FCHO2: variants seen among roughly 807,000 people sequenced by gnomAD.
The protein encoded by FCHO2 is FCH and mu domain containing endocytic adaptor 2, also known as F-BAR domain only protein 2.
FCHO2 carries 43 observed loss-of-function variants against 114.1 expected under a neutral mutation model. That is an observed-to-expected ratio of 0.38 (90% CI 0.30 to 0.49). The LOEUF is 0.49. Ranked by LOEUF, FCHO2 falls within the 20% of genes least tolerant of loss-of-function variation. The probability of loss-of-function intolerance (pLI) is 0.97; values close to 1 mark genes in which losing one functional copy is unlikely to be tolerated. For synonymous variants in FCHO2, 293 were observed against 315.2 expected (o/e 0.93, Z 0.75); for missense variants, 807 against 950.4 (o/e 0.85, Z 1.98).
intron 3 of FCHO2, among the ~76,000 whole-genome samples, chr5:72,990,187 A>T (rs915276095): frequency 6.6e-6 from 1 of 152,062 alleles, no homozygotes; most frequent in African/African-American, 2.4e-5. Flanking sequence ...CTTCTGATAC[A>T]AGTATAAATA....
intron 2 of FCHO2, among the ~76,000 whole-genome samples, chr5:72,986,454 C>T (rs1014437605): frequency 3.9e-5 from 6 of 152,140 alleles, no homozygotes; most frequent in African/African-American, 1.4e-4. Context: ...TGATCAGCTA[C>T]CTCTTCTGGA....
At chr5:73,032,960 T>G (rs1250733876) in intron 8 of FCHO2, among the ~76,000 whole-genome samples, 1 of 152,204 alleles carries the variant, frequency 6.6e-6, no homozygotes, top group African/African-American at 2.4e-5. Flanking sequence ...TTCATAATTT[T>G]TATACTAAGT....
Position 73,082,778 on chromosome 5 carries a change from A to G in FCHO2, c.2198A>G (p.Lys733Arg). 2 of 1,607,052 alleles carry G rather than the reference A, an allele frequency of 1.2e-6. No individual in the cohort carries two copies. Among genetic ancestry groups the G allele is most frequent in the Non-Finnish European group, 1.7e-6 (2 of 1,176,436 alleles). The change falls in exon 24 of 26, where the codon AAA becomes AGA. Residue 733 changes from lysine (K) to arginine (R), a missense_variant. Transcript: ENST00000430046. ...TATTGCAGGAATGCAGAACAAATGA[A>G]AGCCTTTTGGAAATTGTCTAGTATT... The part of the protein sequence containing the change: ...PPAIWNAEQM[K>R]AFWKLSSISE...
intron 11 of FCHO2, among the ~76,000 whole-genome samples, chr5:73,046,077 T>C (rs1305445370): frequency 6.6e-6 from 1 of 152,212 alleles, no homozygotes; most frequent in African/African-American, 2.4e-5. Flanking sequence ...TGTTTTGTTT[T>C]TAATAGAGCT....
intron 6 of FCHO2, among the ~76,000 whole-genome samples, chr5:73,014,278 C>CTTTTTTTTTTTTTTCTTTTTTT (rs200985404): frequency 6.7e-6 from 1 of 148,730 alleles, no homozygotes; most frequent in Non-Finnish European, 1.5e-5. Flanking sequence ...TTTCTTTTTT[C>CTTTTTTTTTTTTTTCTTTTTTT]TTTTTTTTCT....
At chr5:73,040,215 T>C (rs550140878) in intron 10 of FCHO2, among the ~76,000 whole-genome samples, 2 of 152,324 alleles carry the variant, frequency 1.3e-5, no homozygotes, top group East Asian at 1.9e-4. Context: ...CAGAAGTGTT[T>C]TGGATTTCAG....
chr5:72,997,824 A>G (rs1754207293), intron 5 of FCHO2, among the ~76,000 whole-genome samples: 1 of 152,150 alleles, frequency 6.6e-6, no homozygotes, highest in Non-Finnish European at 1.5e-5. Flanking sequence ...TGGGCCTGGG[A>G]CCCTGAAGCA....
chr5:72,972,030 T>C, intron 2 of FCHO2, among the ~76,000 whole-genome samples: 1 of 151,956 alleles, frequency 6.6e-6, no homozygotes, highest in South Asian at 2.1e-4. Flanking sequence ...GCATTATTTC[T>C]GAGGGCTCTG....
chr5:73,079,254 C>T (rs566889774), intron 22 of FCHO2, among the ~76,000 whole-genome samples: 11 of 152,162 alleles, frequency 7.2e-5, no homozygotes, highest in East Asian at 1.9e-4. Flanking sequence ...CACAAACCAC[C>T]GCTCCTGGCA....
chr5:73,039,891 G>A (rs1351130831), intron 10 of FCHO2, among the ~76,000 whole-genome samples: 1 of 147,356 alleles, frequency 6.8e-6, no homozygotes, highest in Non-Finnish European at 1.5e-5. Context: ...CGATGCCACT[G>A]AACTCCATCT....
chr5:73,050,770 G>C (rs1757305550), intron 11 of FCHO2, among the ~76,000 whole-genome samples: 1 of 152,034 alleles, frequency 6.6e-6, no homozygotes, highest in African/African-American at 2.4e-5. Flanking sequence ...TCAGATCCAG[G>C]TTCAAGTTTT....
chr5:73,004,179 G>A (rs1351271163), intron 5 of FCHO2, among the ~76,000 whole-genome samples: 2 of 151,096 alleles, frequency 1.3e-5, no homozygotes, highest in African/African-American at 2.4e-5. Flanking sequence ...AATCCAAAAG[G>A]AAACCCGGAT....
At chr5:72,973,616 G>A (rs1415635162) in intron 2 of FCHO2, among the ~76,000 whole-genome samples, 4 of 150,258 alleles carry the variant, frequency 2.7e-5, no homozygotes, top group African/African-American at 9.8e-5. Context: ...AGTCTTGCTA[G>A]TGGTCTATCA....
intron 8 of FCHO2, among the ~76,000 whole-genome samples, chr5:73,018,523 C>CTTTTTTTTTTTT (rs70973220): frequency 7.6e-6 from 1 of 132,110 alleles, no homozygotes. Flanking sequence ...TAACTTTCTT[C>CTTTTTTTTTTTT]TTTTTTTTTT....
intron 22 of FCHO2, 150 bp from the exon 23 acceptor site, chr5:73,081,633 T>G: frequency 2.1e-6 from 1 of 482,082 alleles, no homozygotes; most frequent in East Asian, 3.4e-5. Flanking sequence ...CTTACTCCTT[T>G]GAGATAGGTC....
At chr5:73,079,019 T>C (rs559720056) in intron 22 of FCHO2, among the ~76,000 whole-genome samples, 1 of 152,330 alleles carries the variant, frequency 6.6e-6, no homozygotes, top group East Asian at 1.9e-4. Flanking sequence ...AGAAACCCAG[T>C]AGAGTTACGT....
chr5:73,012,834 C>CCAAAACCCCACAGTTT lies in FCHO2; in HGVS notation c.601-2786_601-2771dup, dbSNP rs1427945853. On this transcript the variant is annotated intron_variant, in intron 6 of 25. Coordinates refer to ENST00000430046, the MANE Select transcript of FCHO2 (RefSeq NM_138782.3). ...GATAGTTAGCAGTGTGCCCCTACCC[C>CCAAAACCCCACAGTTT]CAAAACCCCACAGTTTCAAAATTGC... is the stretch of plus-strand genomic sequence containing the variant. 4.6e-5 allele frequency among the ~76,000 whole-genome samples: 7 copies of CCAAAACCCCACAGTTT among 152,124 alleles called. No homozygotes were observed. In the East Asian group the frequency reaches 1.4e-3, roughly 29 times the overall value.
intron 5 of FCHO2, among the ~76,000 whole-genome samples, chr5:73,001,826 G>A (rs1754460163): frequency 6.6e-6 from 1 of 151,192 alleles, no homozygotes; most frequent in Admixed American, 6.6e-5. Flanking sequence ...ATGGTCCTAG[G>A]TACTTGGGAG....
intron 8 of FCHO2, among the ~76,000 whole-genome samples, chr5:73,021,613 T>C (rs1357271688): frequency 6.6e-6 from 1 of 152,212 alleles, no homozygotes; most frequent in Non-Finnish European, 1.5e-5. Flanking sequence ...TCTTTAATGA[T>C]ATCTTTCTCC....
Sources: allele counts gnomAD v4.1 joint callset (sites outside exome capture counted in the v4.1 genomes callset), GRCh38; gene constraint gnomAD v4.1.1; transcripts MANE v1.5; gene names NCBI Gene and HGNC (gene_info 2026-07-23, HGNC 2026-07-21).